The following NAPA variants were observed in gnomAD, a reference collection of about 807,000 sequenced individuals.
NAPA encodes alpha-soluble NSF attachment protein.
A neutral mutation model predicts 48.0 loss-of-function variants in NAPA; 18 were observed. That is an observed-to-expected ratio of 0.38 (90% confidence interval 0.26 to 0.56). NAPA has a LOEUF of 0.56. Among genes scored for constraint, NAPA ranks in the 20% least tolerant of loss-of-function variants. The pLI, the probability that NAPA is intolerant of heterozygous loss-of-function variation, is 0.77. For synonymous variants in NAPA, 152 were observed against 149.9 expected (o/e 1.01, Z -0.10); for missense variants, 315 against 385.0 (o/e 0.82, Z 1.52).
chr19:47,503,275 C>CA, intron 2 of NAPA, 148 bp downstream of exon 2: 1 of 711,480 alleles, frequency 1.4e-6, no homozygotes, highest in Non-Finnish European at 2.5e-6. Flanking sequence ...AGGCACAAAA[C>CA]AAGAGAGCAG....
chr19:47,497,010 G>A, intron 3 of NAPA: 1 of 326,616 alleles, frequency 3.1e-6, no homozygotes, highest in Admixed American at 3.5e-5. Context: ...GGGGGCAGAT[G>A]AGGAGGAAGG....
At chr19:47,504,602 T>C (rs1968655123) in intron 1 of NAPA, among the ~76,000 whole-genome samples, 1 of 151,872 alleles carries the variant, frequency 6.6e-6, no homozygotes. Context: ...TCTGAATTTT[T>C]TTTTAACTGT....
At chr19:47,499,180 C>G (rs1968510305) in intron 3 of NAPA, among the ~76,000 whole-genome samples, 1 of 152,218 alleles carries the variant, frequency 6.6e-6, no homozygotes, top group South Asian at 2.1e-4. Context: ...GGGGAGGGAC[C>G]CCACCATATC....
chr19:47,495,942 C>T (rs768176048), intron 3 of NAPA: 28 of 298,466 alleles, frequency 9.4e-5, no homozygotes, highest in Non-Finnish European at 1.5e-4. Context: ...CAGACTCCCA[C>T]GGTGTTTTAA....
chr19:47,509,638 G>A (rs924392136), intron 1 of NAPA, among the ~76,000 whole-genome samples: 4 of 152,192 alleles, frequency 2.6e-5, no homozygotes, highest in African/African-American at 9.7e-5. Flanking sequence ...TAGCAGCATG[G>A]GCTTCATCTC....
Position 47,515,017 on chromosome 19 carries a change from C to G in NAPA, c.-77G>C. On this transcript the variant is annotated 5_prime_UTR_variant, in exon 1 of 11. Coordinates refer to ENST00000263354, the MANE Select transcript of NAPA (RefSeq NM_003827.4). ...TCAGCCGCGGCCGGGCCGCGGAACA[C>G]AGATCGGTAAAACTCGCCCGGCTGC... 1 of 1,450,746 alleles carries G rather than the reference C, an allele frequency of 6.9e-7. No individual in the cohort carries two copies. The highest frequency in any genetic ancestry group is 9.5e-7 in the Non-Finnish European group (1 of 1,058,196). 89.9% of individuals were successfully genotyped at this position (1,450,746 alleles called of 1,614,324 possible).
At chr19:47,489,582 AAG>A in intron 10 of NAPA, 127 bp downstream of exon 10, 1 of 1,054,348 alleles carries the variant, frequency 9.5e-7, no homozygotes, top group Non-Finnish European at 1.4e-6. Flanking sequence ...TGACTGGAGA[AAG>A]AACTTCACAG....
chr19:47,515,017 C>A lies in NAPA; in HGVS notation c.-77G>T. On this transcript the variant is annotated 5_prime_UTR_variant, in exon 1 of 11. Transcript: ENST00000263354. Reference sequence around the variant, plus strand: ...TCAGCCGCGGCCGGGCCGCGGAACACAGATCGGTAAAACTCGCCCGGCTGC... The same window carrying A: ...TCAGCCGCGGCCGGGCCGCGGAACAAAGATCGGTAAAACTCGCCCGGCTGC... The A allele has an allele frequency of 6.9e-7, 1 of 1,450,746 alleles. No homozygotes were observed. Among genetic ancestry groups the A allele is most frequent in the Non-Finnish European group, 9.5e-7 (1 of 1,058,196 alleles). The allele number at this position is 1,450,746 out of a possible 1,614,324, so 89.9% of individuals were successfully genotyped here. A position where few individuals can be genotyped will look rare whatever the true frequency, so the allele number is the denominator to read the frequency against.
intron 3 of NAPA, 123 bp from the exon 4 acceptor site, chr19:47,495,719 C>T: frequency 2.5e-6 from 2 of 811,900 alleles, no homozygotes; most frequent in South Asian, 2.9e-5. Context: ...GCGCTCAGAG[C>T]TGCCAGCGCT....
downstream of NAPA, among the ~76,000 whole-genome samples, chr19:47,485,118 A>G (rs1968033488): frequency 6.6e-6 from 1 of 152,196 alleles, no homozygotes; most frequent in Non-Finnish European, 1.5e-5. Context: ...ACTTGGTGAC[A>G]GTCATGCTGG....
intron 1 of NAPA, among the ~76,000 whole-genome samples, chr19:47,504,999 T>C (rs1334871418): frequency 1.3e-5 from 2 of 152,200 alleles, no homozygotes; most frequent in African/African-American, 4.8e-5. Context: ...GACCTCCACA[T>C]GTACATAATG....
intron 3 of NAPA, chr19:47,496,871 AGGTTT>A (rs1968439395): frequency 4.4e-6 from 2 of 455,892 alleles, no homozygotes; most frequent in African/African-American, 2.0e-5. Flanking sequence ...TGGGGTCTGT[AGGTTT>A]TGTCCAATTC....
At chr19:47,492,530 A>T in intron 7 of NAPA, 1 of 381,924 alleles carries the variant, frequency 2.6e-6, no homozygotes, top group Non-Finnish European at 5.0e-6. Flanking sequence ...TTTCTCGGCC[A>T]TCACCCAGGG....
chr19:47,495,913 G>C, intron 3 of NAPA: 1 of 369,884 alleles, frequency 2.7e-6, no homozygotes, highest in Non-Finnish European at 5.1e-6. Context: ...GCACAGCAGT[G>C]CTAGGCCAGG....
At chr19:47,496,763 G>A (rs1426074035) in intron 3 of NAPA, 1 of 428,960 alleles carries the variant, frequency 2.3e-6, no homozygotes, top group Admixed American at 2.5e-5. Context: ...CATCTGGACA[G>A]AGGCTCTTTG....
intron 1 of NAPA, among the ~76,000 whole-genome samples, chr19:47,504,674 CAT>C (rs994056791): frequency 3.3e-4 from 50 of 151,736 alleles, no homozygotes; most frequent in East Asian, 7.7e-4. Context: ...CATATATACA[CAT>C]GTGTATATAT....
At chr19:47,500,417 AG>A (rs955388854) in intron 3 of NAPA, among the ~76,000 whole-genome samples, 2 of 152,142 alleles carry the variant, frequency 1.3e-5, no homozygotes, top group African/African-American at 4.8e-5. Flanking sequence ...CACGGTAGAT[AG>A]GGGGGCGGAG....
rs73940859 is a variant in NAPA at position 47,490,731 on chromosome 19, C to T, written c.735+57G>A. 6.2e-4 allele frequency: 942 copies of T among 1,512,844 alleles called. 4 individuals are homozygous for T. In the African/African-American group the frequency reaches 0.011, roughly 18 times the overall value. The allele number at this position is 1,512,844 out of a possible 1,614,324, so 93.7% of individuals were successfully genotyped here. A position where few individuals can be genotyped will look rare whatever the true frequency, so the allele number is the denominator to read the frequency against. On this transcript the variant is annotated intron_variant, in intron 9 of 10. Coordinates refer to ENST00000263354, the MANE Select transcript of NAPA (RefSeq NM_003827.4). Reference sequence around the variant, plus strand: ...TCTTGGCGATTGTCCCACCTGGAGCCCCAGCCACCCCCGTCTGAGGTTCGG... The same window carrying T: ...TCTTGGCGATTGTCCCACCTGGAGCTCCAGCCACCCCCGTCTGAGGTTCGG...
intron 1 of NAPA, 95 bp from the exon 2 acceptor site, chr19:47,503,597 T>C: frequency 2.8e-5 from 33 of 1,166,762 alleles, no homozygotes; most frequent in Non-Finnish European, 3.9e-5. Flanking sequence ...GACGTGCCCC[T>C]ACCCCTCACC....
Sources: gnomAD v4.1 joint callset for allele counts (sites outside exome capture counted in the v4.1 genomes callset) on GRCh38, gnomAD v4.1.1 for gene constraint, MANE v1.5 for transcripts, NCBI Gene and HGNC (gene_info 2026-07-23, HGNC 2026-07-21) for gene names.